DTWD1: variants seen among roughly 807,000 people sequenced by gnomAD.
The protein encoded by DTWD1 is DTW motif tRNA-uridine aminocarboxypropyltransferase 1, also known as tRNA-uridine aminocarboxypropyltransferase 1.
DTWD1 carries 27 observed loss-of-function variants against 30.2 expected under a neutral mutation model. The observed-to-expected ratio is 0.90, with a 90% CI of 0.66 to 1.23. DTWD1 has a LOEUF of 1.23. Among genes scored for constraint, DTWD1 ranks in the 50% most tolerant of loss-of-function variants. The pLI, the probability that DTWD1 is intolerant of heterozygous loss-of-function variation, is 0.00. For synonymous variants in DTWD1, 99 were observed against 113.1 expected, an observed-to-expected ratio of 0.88 and a Z score of 0.79; for missense variants, 342 against 348.8, an observed-to-expected ratio of 0.98 and a Z score of 0.15.
At position 49,653,832 on chromosome 15, in the gene DTWD1, A is replaced by T. The variant is rs964589696; in HGVS notation, c.*10254A>T. The T allele has an allele frequency of 3.3e-5, 5 of 152,068 alleles. No individual in the cohort carries two copies. The highest frequency in any genetic ancestry group is 5.9e-5 in the Non-Finnish European group (4 of 68,006). The allele number at this position is 152,068 out of a possible 1,614,324, so 9.4% of individuals were successfully genotyped here. A position where few individuals can be genotyped will look rare whatever the true frequency, so the allele number is the denominator to read the frequency against. On this transcript the variant is annotated 3_prime_UTR_variant, in exon 5 of 5. Transcript: ENST00000403028. ...AAGGAACTGTTCAATTTGAAAGCAG[A>T]ATTTAGAGGAAATTTTTCAACCTAG...
intron 4 of DTWD1, among the ~76,000 whole-genome samples, chr15:49,635,139 A>G (rs912517340): frequency 6.6e-6 from 1 of 152,020 alleles, no homozygotes; most frequent in African/African-American, 2.4e-5. Flanking sequence ...GGTTCAAGTG[A>G]TCCTCCCACC....
intron 4 of DTWD1, among the ~76,000 whole-genome samples, chr15:49,635,641 C>T (rs2078991448): frequency 2.0e-5 from 3 of 151,836 alleles, no homozygotes; most frequent in Middle Eastern, 6.8e-3. Flanking sequence ...TACAGGCACA[C>T]CATCACCACG....
rs1010581197 is a variant in DTWD1, at chr15:49,632,302, A to G, written c.408A>G (p.Glu136=). The G allele has an allele frequency of 3.2e-6, 5 of 1,576,472 alleles. No homozygotes were observed. Among genetic ancestry groups the G allele is most frequent in the Admixed American group, 4.3e-5 (2 of 46,266 alleles). The part of the protein sequence containing the change: ...CIPEYEEKDH[E]VALIFPGPQS... Reference sequence around the variant, plus strand: ...CAGAATATGAAGAAAAGGACCATGAAGTAGGCAACTTAGTTTTTATAACTC... The same window carrying G: ...CAGAATATGAAGAAAAGGACCATGAGGTAGGCAACTTAGTTTTTATAACTC... The change falls in exon 3 of 5, where the codon GAA becomes GAG. Residue 136 remains glutamate, a splice_region_variant and synonymous_variant. Transcript: ENST00000403028.
rs1353412115 is a variant in DTWD1 at position 49,655,359 on chromosome 15, AAG to A, written c.*11784_*11785del. 1 of 152,056 alleles carries A rather than the reference AAG, an allele frequency of 6.6e-6. No individual in the cohort carries two copies. Among genetic ancestry groups the A allele is most frequent in the African/African-American group, 2.4e-5 (1 of 41,440 alleles). 9.4% of individuals were successfully genotyped at this position (152,056 alleles called of 1,614,324 possible). On this transcript the variant is annotated 3_prime_UTR_variant, in exon 5 of 5. Transcript: ENST00000403028. Reference sequence around the variant, plus strand: ...GATACAACAGTCTTTTCGTTAGTAGAAGAGGGGGTAAGAAAGAAAGACTTATG... The same window carrying A: ...GATACAACAGTCTTTTCGTTAGTAGAAGGGGGTAAGAAAGAAAGACTTATG...
In DTWD1 at chr15:49,644,917, CCTT is replaced by C. The variant is rs1267451734; in HGVS notation, c.*1342_*1344del. The C allele has an allele frequency of 6.6e-6, 1 of 152,114 alleles. No homozygotes were observed. Among genetic ancestry groups the C allele is most frequent in the East Asian group, 1.9e-4 (1 of 5,192 alleles). 9.4% of individuals were successfully genotyped at this position (152,114 alleles called of 1,614,324 possible). A position where few individuals can be genotyped will look rare whatever the true frequency, so the allele number is the denominator to read the frequency against. On this transcript the variant is annotated 3_prime_UTR_variant, in exon 5 of 5. Coordinates refer to ENST00000403028, the MANE Select transcript of DTWD1 (RefSeq NM_001144955.2). Reference sequence around the variant, plus strand: ...TCTCAAATGTCCCCACTTGAAATAGCCTTCTATTTCTTTTGGGGACTCTGATAA... The same window carrying C: ...TCTCAAATGTCCCCACTTGAAATAGCCTATTTCTTTTGGGGACTCTGATAA...
intron 4 of DTWD1, among the ~76,000 whole-genome samples, chr15:49,638,646 C>T (rs964103603): frequency 3.9e-5 from 6 of 152,148 alleles, no homozygotes; most frequent in Non-Finnish European, 7.4e-5. Flanking sequence ...TTAATCTGAA[C>T]AAACTGAGTC....
At chr15:49,631,299 C>A (rs1341314375) in intron 2 of DTWD1, among the ~76,000 whole-genome samples, 2 of 152,052 alleles carry the variant, frequency 1.3e-5, no homozygotes, top group Non-Finnish European at 2.9e-5. Flanking sequence ...TCTATTGTTA[C>A]TATTTTTTAA....
At chr15:49,626,557 A>C (rs1342533086) in intron 2 of DTWD1, among the ~76,000 whole-genome samples, 2 of 152,156 alleles carry the variant, frequency 1.3e-5, no homozygotes, top group East Asian at 1.9e-4. Flanking sequence ...TAAATCAATT[A>C]ATGTATAAAA....
intron 4 of DTWD1, among the ~76,000 whole-genome samples, chr15:49,637,250 T>C (rs2079013650): frequency 6.6e-6 from 1 of 152,184 alleles, no homozygotes; most frequent in African/African-American, 2.4e-5. Context: ...ATAAAGATGC[T>C]AATCTTTTTG....
Position 49,649,577 on chromosome 15 carries a change from A to G in DTWD1, c.*5999A>G, listed in dbSNP as rs1337456859. On this transcript the variant is annotated 3_prime_UTR_variant, in exon 5 of 5. Transcript: ENST00000403028. ...CATGGCGAAACTCTGTCTCTACTAA[A>G]AATACAAAAATTAGTCGGGTGTGAT... The G allele has an allele frequency of 2.6e-5, 4 of 152,178 alleles. No homozygotes were observed. Among genetic ancestry groups the G allele is most frequent in the African/African-American group, 9.7e-5 (4 of 41,410 alleles). The allele number at this position is 152,178 out of a possible 1,614,324, so 9.4% of individuals were successfully genotyped here. A position where few individuals can be genotyped will look rare whatever the true frequency, so the allele number is the denominator to read the frequency against.
chr15:49,637,830 G>A lies in DTWD1; in HGVS notation c.667+3036G>A, dbSNP rs146302808. Among the ~76,000 whole-genome samples, 687 of 152,274 alleles carry A rather than the reference G, an allele frequency of 4.5e-3. 8 individuals are homozygous for A. Among genetic ancestry groups the A allele is most frequent in the Non-Finnish European group, 5.7e-3 (387 of 68,024 alleles). On this transcript the variant is annotated intron_variant, in intron 4 of 4. Transcript: ENST00000403028. ...GTTCATTAATTCCAAGCTGAAGTGA[G>A]TGACAACACTAGATTTAACGAGCTT...
chr15:49,633,049 C>CTATATCTATATCTATCTATCTATATATA (rs774517463), intron 3 of DTWD1, among the ~76,000 whole-genome samples: 68 of 117,336 alleles, frequency 5.8e-4, no homozygotes, highest in African/African-American at 2.2e-3. Flanking sequence ...ATATCTATAT[C>CTATATCTATATCTATCTATCTATATATA]TATATATATA....
intron 3 of DTWD1, among the ~76,000 whole-genome samples, chr15:49,633,200 A>G (rs903472451): frequency 6.6e-6 from 1 of 151,612 alleles, no homozygotes; most frequent in Non-Finnish European, 1.5e-5. Flanking sequence ...ATGTAGTGCT[A>G]TGTTCTGTAA....
Position 49,652,228 on chromosome 15 carries a change from T to TA in DTWD1, c.*8656dup, listed in dbSNP as rs1294695276. Reference sequence around the variant, plus strand: ...GGACACAGTTTTGCTGAGAGATATATAAAAAATCTCACTGAAAAACATAAG... The same window carrying TA: ...GGACACAGTTTTGCTGAGAGATATATAAAAAAATCTCACTGAAAAACATAAG... On this transcript the variant is annotated 3_prime_UTR_variant, in exon 5 of 5. Coordinates refer to ENST00000403028, the MANE Select transcript of DTWD1 (RefSeq NM_001144955.2). The TA allele has an allele frequency of 1.3e-5, 2 of 151,994 alleles. No individual in the cohort carries two copies. Among genetic ancestry groups the TA allele is most frequent in the African/African-American group, 4.8e-5 (2 of 41,398 alleles). 9.4% of individuals were successfully genotyped at this position (151,994 alleles called of 1,614,324 possible). A position where few individuals can be genotyped will look rare whatever the true frequency, so the allele number is the denominator to read the frequency against.
At chr15:49,636,448 C>G (rs1354175641) in intron 4 of DTWD1, among the ~76,000 whole-genome samples, 1 of 152,038 alleles carries the variant, frequency 6.6e-6, no homozygotes, top group Admixed American at 6.5e-5. Context: ...CCTAACTGAC[C>G]CAAAAATACC....
rs1288403165 is a variant in DTWD1 at position 49,647,881 on chromosome 15, CAAT to C, written c.*4306_*4308del. ...ATAGGAGAGTGTGAAAAAGAACAAG[CAAT>C]AAAAAAGATCTCAGAAATTTAAAAA... On this transcript the variant is annotated 3_prime_UTR_variant, in exon 5 of 5. Coordinates refer to ENST00000403028, the MANE Select transcript of DTWD1 (RefSeq NM_001144955.2). 1 of 150,598 alleles carries C rather than the reference CAAT, an allele frequency of 6.6e-6. No homozygotes were observed. Among genetic ancestry groups the C allele is most frequent in the Non-Finnish European group, 1.5e-5 (1 of 67,668 alleles). 9.3% of individuals were successfully genotyped at this position (150,598 alleles called of 1,614,324 possible).
rs2079142532 is a variant in DTWD1 at position 49,649,840 on chromosome 15, A to G, written c.*6262A>G. On this transcript the variant is annotated 3_prime_UTR_variant, in exon 5 of 5. Transcript: ENST00000403028. The stretch of plus-strand genomic sequence containing the variant: ...AATTTTGAGTGCATACTATGTGTCA[A>G]ATTATTGTCTAGGTGATGGCTATAG... 6.6e-6 allele frequency: 1 copy of G among 152,192 alleles called. No homozygotes were observed. The highest frequency in any genetic ancestry group is 6.6e-5 in the Admixed American group (1 of 15,258). 9.4% of individuals were successfully genotyped at this position (152,192 alleles called of 1,614,324 possible). A position where few individuals can be genotyped will look rare whatever the true frequency, so the allele number is the denominator to read the frequency against.
rs918345964 is a variant in DTWD1 at position 49,655,065 on chromosome 15, A to G, written c.*11487A>G. ...CTTCTTGGAACCAAATTACTTCCCAAAGTCCTCACCTCCAAATCTAGCACA... is the reference window on the plus strand; with the variant it reads ...CTTCTTGGAACCAAATTACTTCCCAGAGTCCTCACCTCCAAATCTAGCACA... On this transcript the variant is annotated 3_prime_UTR_variant, in exon 5 of 5. Coordinates refer to ENST00000403028, the MANE Select transcript of DTWD1 (RefSeq NM_001144955.2). 1 of 151,990 alleles carries G rather than the reference A, an allele frequency of 6.6e-6. No homozygotes were observed. Among genetic ancestry groups the G allele is most frequent in the African/African-American group, 2.4e-5 (1 of 41,394 alleles). The allele number at this position is 151,990 out of a possible 1,614,324, so 9.4% of individuals were successfully genotyped here.
At chr15:49,634,190 C>T (rs1357896840) in intron 3 of DTWD1, among the ~76,000 whole-genome samples, 1 of 152,130 alleles carries the variant, frequency 6.6e-6, no homozygotes, top group Non-Finnish European at 1.5e-5. Context: ...AATCATTGAA[C>T]AGTTTTCAGT....
Sources: allele counts gnomAD v4.1 joint callset (sites outside exome capture counted in the v4.1 genomes callset), GRCh38; gene constraint gnomAD v4.1.1; transcripts MANE v1.5; gene names NCBI Gene and HGNC (gene_info 2026-07-23, HGNC 2026-07-21).